The following NDUFS4 variants were observed in gnomAD, a reference collection of about 807,000 sequenced individuals.
NDUFS4 encodes the protein NADH dehydrogenase [ubiquinone] iron-sulfur protein 4, mitochondrial.
A neutral mutation model predicts 24.3 loss-of-function variants in NDUFS4; 28 were observed. That is an observed-to-expected ratio of 1.15 (90% CI 0.85 to 1.58). The LOEUF (loss-of-function observed/expected upper bound fraction) is 1.58. Ranked by LOEUF, NDUFS4 falls within the 40% of genes most tolerant of loss-of-function variation. The pLI, the probability that NDUFS4 is intolerant of heterozygous loss-of-function variation, is 0.00. For missense variants in NDUFS4, 223 were observed against 207.9 expected (o/e 1.07, Z -0.45); for synonymous variants, 93 against 69.7 (o/e 1.34, Z -1.67).
rs1047380986 is a variant in NDUFS4 at position 53,619,744 on chromosome 5, G to GT, written c.177+16220dup. Among the ~76,000 whole-genome samples, 6 of 151,802 alleles carry GT rather than the reference G, an allele frequency of 4.0e-5. 1 individual carries two copies. Among genetic ancestry groups the GT allele is most frequent in the Admixed American group, 1.3e-4 (2 of 15,240 alleles). ...TATATGTAAGACAAATTGTTTTACA[G>GT]TTTTTTATCCTGTTTTTCACTTTAT... is the stretch of plus-strand genomic sequence containing the variant. On this transcript the variant is annotated intron_variant, in intron 2 of 4. Coordinates refer to ENST00000296684, the MANE Select transcript of NDUFS4 (RefSeq NM_002495.4).
chr5:53,644,263 A>G (rs546804170), intron 2 of NDUFS4, among the ~76,000 whole-genome samples: 38 of 152,286 alleles, frequency 2.5e-4, no homozygotes, highest in Admixed American at 1.4e-3. Flanking sequence ...AGTTTTAAAA[A>G]TAGACATAAC....
At chr5:53,674,104 G>A (rs1047226067) in intron 4 of NDUFS4, among the ~76,000 whole-genome samples, 1 of 152,220 alleles carries the variant, frequency 6.6e-6, no homozygotes, top group Non-Finnish European at 1.5e-5. Flanking sequence ...TAAGTTTTAT[G>A]TGATACAGGA....
intron 1 of NDUFS4, among the ~76,000 whole-genome samples, chr5:53,585,011 A>G (rs1023791598): frequency 6.6e-6 from 1 of 152,082 alleles, no homozygotes; most frequent in African/African-American, 2.4e-5. Flanking sequence ...CAAGTGATCT[A>G]CCCACCTCAG....
intron 4 of NDUFS4, 160 bp downstream of exon 4, chr5:53,658,784 C>CAAAAAA (rs35754713): frequency 6.5e-5 from 9 of 138,388 alleles, no homozygotes; most frequent in South Asian, 3.5e-4. Context: ...CACCCACCTC[C>CAAAAAA]AAAAAAAAAA....
chr5:53,631,410 CT>C (rs1751406488), intron 2 of NDUFS4, among the ~76,000 whole-genome samples: 1 of 152,178 alleles, frequency 6.6e-6, no homozygotes, highest in Middle Eastern at 3.2e-3. Flanking sequence ...AGCTTGAATG[CT>C]GTGCTGGGAG....
intron 2 of NDUFS4, among the ~76,000 whole-genome samples, chr5:53,643,651 G>A (rs531489573): frequency 6.6e-6 from 1 of 152,114 alleles, no homozygotes; most frequent in Non-Finnish European, 1.5e-5. Flanking sequence ...ATAGGGTGTC[G>A]TGATGCATTT....
chr5:53,678,252 A>G lies in NDUFS4; in HGVS notation c.425-4866A>G, dbSNP rs542350995. On this transcript the variant is annotated intron_variant, in intron 4 of 4. Transcript: ENST00000296684. ...TTAAAGATCACATTTTAAGTTTACTACAGCATTTTCCAAAGGTACTTCTCT... is the reference window on the plus strand; with the variant it reads ...TTAAAGATCACATTTTAAGTTTACTGCAGCATTTTCCAAAGGTACTTCTCT... Among the ~76,000 whole-genome samples the G allele has an allele frequency of 2.0e-5, 3 of 152,348 alleles. No individual in the cohort carries two copies. In the South Asian group the frequency reaches 6.2e-4, roughly 32 times the overall value.
At chr5:53,645,091 C>T (rs1362811378) in intron 2 of NDUFS4, among the ~76,000 whole-genome samples, 2 of 151,946 alleles carry the variant, frequency 1.3e-5, no homozygotes, top group East Asian at 1.9e-4. Flanking sequence ...AATTCACAGA[C>T]GTTTTCTAGT....
At chr5:53,623,930 G>T (rs2112481275) in intron 2 of NDUFS4, among the ~76,000 whole-genome samples, 1 of 152,206 alleles carries the variant, frequency 6.6e-6, no homozygotes, top group South Asian at 2.1e-4. Context: ...TATTGGCCAG[G>T]CTACTCTTGA....
chr5:53,631,497 C>T (rs1751408531), intron 2 of NDUFS4, among the ~76,000 whole-genome samples: 1 of 152,198 alleles, frequency 6.6e-6, no homozygotes, highest in African/African-American at 2.4e-5. Flanking sequence ...TGCCCCTTCC[C>T]CCAGGTGCTC....
chr5:53,636,438 C>T (rs778676964), intron 2 of NDUFS4, among the ~76,000 whole-genome samples: 4 of 152,072 alleles, frequency 2.6e-5, no homozygotes, highest in South Asian at 2.1e-4. Flanking sequence ...TAGAAGAAAC[C>T]GGAAGAATTC....
At chr5:53,595,151 A>T (rs1750095151) in intron 1 of NDUFS4, among the ~76,000 whole-genome samples, 1 of 152,142 alleles carries the variant, frequency 6.6e-6, no homozygotes, top group African/African-American at 2.4e-5. Context: ...GCCTGGGCAT[A>T]TACAGGTATT....
intron 4 of NDUFS4, among the ~76,000 whole-genome samples, chr5:53,678,683 G>T (rs1472192236): frequency 6.6e-6 from 1 of 151,858 alleles, no homozygotes; most frequent in Admixed American, 6.6e-5. Context: ...ATTATTTTAG[G>T]GTTAAAGAAA....
At chr5:53,633,422 C>G (rs912111099) in intron 2 of NDUFS4, among the ~76,000 whole-genome samples, 3 of 152,088 alleles carry the variant, frequency 2.0e-5, no homozygotes, top group African/African-American at 7.2e-5. Flanking sequence ...GTTGCCTTAC[C>G]TATACATTGA....
intron 2 of NDUFS4, among the ~76,000 whole-genome samples, chr5:53,608,253 C>T (rs909921372): frequency 2.6e-5 from 4 of 152,138 alleles, no homozygotes; most frequent in Admixed American, 1.3e-4. Context: ...AAAATGCTAA[C>T]GATCAGCTGA....
chr5:53,632,664 G>T (rs940999492), intron 2 of NDUFS4, among the ~76,000 whole-genome samples: 1 of 152,100 alleles, frequency 6.6e-6, no homozygotes, highest in Non-Finnish European at 1.5e-5. Flanking sequence ...CATGCATGAA[G>T]CTGAGACAAT....
chr5:53,664,755 AC>A (rs1485206654), intron 4 of NDUFS4, among the ~76,000 whole-genome samples: 1 of 151,556 alleles, frequency 6.6e-6, no homozygotes, highest in African/African-American at 2.4e-5. Flanking sequence ...AAGGTTTTTA[AC>A]TTCTTTGCCA....
intron 1 of NDUFS4, among the ~76,000 whole-genome samples, chr5:53,596,539 C>T (rs543104010): frequency 1.3e-5 from 2 of 152,122 alleles, no homozygotes; most frequent in Non-Finnish European, 2.9e-5. Context: ...ATACAGTATG[C>T]TGAAGACAGT....
intron 1 of NDUFS4, among the ~76,000 whole-genome samples, chr5:53,593,417 C>G (rs1450497815): frequency 6.6e-6 from 1 of 151,636 alleles, no homozygotes; most frequent in Admixed American, 6.6e-5. Flanking sequence ...CTCTCTCTCT[C>G]TCTCTCTCAT....
Sources: allele counts gnomAD v4.1 joint callset (sites outside exome capture counted in the v4.1 genomes callset), GRCh38; gene constraint gnomAD v4.1.1; transcripts MANE v1.5; gene names NCBI Gene and HGNC (gene_info 2026-07-23, HGNC 2026-07-21).